Variants in SNX29 observed in about 807,000 individuals in gnomAD.
SNX29 encodes the protein sorting nexin-29.
A neutral mutation model predicts 102.1 loss-of-function variants in SNX29; 78 were observed. That is an observed-to-expected ratio of 0.76 (90% CI 0.64 to 0.92). SNX29 has a LOEUF of 0.92. SNX29 is among the 40% of genes least tolerant of loss of function. The pLI, the probability that SNX29 is intolerant of heterozygous loss-of-function variation, is 0.00. For missense variants in SNX29, 1,280 were observed against 1,061.7 expected (o/e 1.21, Z -2.86); for synonymous variants, 580 against 414.5 (o/e 1.40, Z -4.85).
chr16:12,255,343 C>G (rs1482803157), intron 14 of SNX29, among the ~76,000 whole-genome samples: 4 of 151,620 alleles, frequency 2.6e-5, no homozygotes, highest in African/African-American at 9.8e-5. Context: ...TTACAGGCAC[C>G]CACCACCATG....
chr16:12,050,023 C>A (rs911563542), intron 7 of SNX29, among the ~76,000 whole-genome samples: 16 of 152,282 alleles, frequency 1.1e-4, no homozygotes, highest in Admixed American at 1.0e-3. Context: ...GTGTAGAGTC[C>A]CATGGTGTCT....
chr16:11,981,257 A>G (rs1158553691), intron 1 of SNX29, among the ~76,000 whole-genome samples: 2 of 152,104 alleles, frequency 1.3e-5, no homozygotes, highest in Non-Finnish European at 2.9e-5. Context: ...GGCATGAGCC[A>G]CCGCACCTGG....
rs529240553 is a variant in SNX29 at position 12,166,559 on chromosome 16, G to C, written c.1596-33042G>C. On this transcript the variant is annotated intron_variant, in intron 13 of 20. Coordinates refer to ENST00000566228, the MANE Select transcript of SNX29 (RefSeq NM_032167.5). ...CGTGGCGCTCAGTTCACTTGGAGCT[G>C]ATTATGGTATTGGGCCATTTCCTTA... Among the ~76,000 whole-genome samples, 3 of 152,346 alleles carry C rather than the reference G, an allele frequency of 2.0e-5. No homozygotes were observed. The East Asian group carries it at 5.8e-4, about 29-fold the overall frequency.
At chr16:12,012,283 G>A (rs528689247) in intron 3 of SNX29, among the ~76,000 whole-genome samples, 2 of 151,906 alleles carry the variant, frequency 1.3e-5, no homozygotes, top group East Asian at 3.9e-4. Context: ...AGGGATGTGG[G>A]GCAAAGTGGT....
chr16:12,313,614 G>A (rs1039266410), intron 15 of SNX29, among the ~76,000 whole-genome samples: 4 of 152,182 alleles, frequency 2.6e-5, no homozygotes, highest in Non-Finnish European at 4.4e-5. Context: ...TGAATTCGGT[G>A]GTTCTTCTTG....
At chr16:12,513,778 C>A (rs146561399) in intron 19 of SNX29, among the ~76,000 whole-genome samples, 1,692 of 152,350 alleles carry the variant, frequency 0.011, 33 homozygotes, top group African/African-American at 0.039. Flanking sequence ...GCTTTGCTAA[C>A]AGCGCCCAGT....
chr16:12,164,680 CTT>C (rs34046413), intron 13 of SNX29, among the ~76,000 whole-genome samples: 48 of 90,578 alleles, frequency 5.3e-4, no homozygotes, highest in Non-Finnish European at 7.0e-4. Flanking sequence ...TTATTCATGC[CTT>C]TTTTTTTTTT....
chr16:12,155,504 C>T lies in SNX29; in HGVS notation c.1595+25746C>T, dbSNP rs548580222. On this transcript the variant is annotated intron_variant, in intron 13 of 20. Transcript: ENST00000566228. ...GGACCCTGGACTCTTTCCATTGCCT[C>T]AGTTACAGGCCGTTTTCTCAGGGCA... Among the ~76,000 whole-genome samples the T allele has an allele frequency of 7.2e-5, 11 of 152,248 alleles. No individual in the cohort carries two copies. In the South Asian group the frequency reaches 2.3e-3, roughly 32 times the overall value.
At chr16:12,141,508 G>A (rs892637169) in intron 13 of SNX29, among the ~76,000 whole-genome samples, 2 of 152,214 alleles carry the variant, frequency 1.3e-5, no homozygotes, top group African/African-American at 4.8e-5. Flanking sequence ...ACAGAGCAGC[G>A]GCATGGACCA....
In SNX29 at chr16:12,132,914, C is replaced by T. The variant is rs542644060; in HGVS notation, c.1595+3156C>T. ...GCTGACATGTTCCAGATAGAGTTAA[C>T]CTCTGCCAGTGGTCAGAACTTTCTT... On this transcript the variant is annotated intron_variant, in intron 13 of 20. Transcript: ENST00000566228. Among the ~76,000 whole-genome samples, 189 of 152,362 alleles carry T rather than the reference C, an allele frequency of 1.2e-3. 1 individual carries two copies. The highest frequency in any genetic ancestry group is 4.3e-3 in the African/African-American group (179 of 41,586).
intron 3 of SNX29, among the ~76,000 whole-genome samples, chr16:12,024,892 T>C (rs1197448790): frequency 6.6e-6 from 1 of 152,184 alleles, no homozygotes; most frequent in Non-Finnish European, 1.5e-5. Flanking sequence ...TTTTTGTTTT[T>C]TTCTCTCTGA....
intron 18 of SNX29, among the ~76,000 whole-genome samples, chr16:12,426,563 T>C (rs2085087842): frequency 1.3e-5 from 2 of 152,200 alleles, no homozygotes; most frequent in Admixed American, 1.3e-4. Context: ...CCAGGAAGGA[T>C]AGATATGTGT....
At chr16:12,173,368 G>T (rs1457491905) in intron 13 of SNX29, among the ~76,000 whole-genome samples, 1 of 152,196 alleles carries the variant, frequency 6.6e-6, no homozygotes, top group Non-Finnish European at 1.5e-5. Flanking sequence ...CCCAGTTTGT[G>T]TGATCAGCTT....
At chr16:12,277,550 C>A (rs1479502631) in intron 14 of SNX29, among the ~76,000 whole-genome samples, 1 of 152,146 alleles carries the variant, frequency 6.6e-6, no homozygotes, top group Non-Finnish European at 1.5e-5. Context: ...CATGACAGTT[C>A]TTGCATTTTA....
intron 1 of SNX29, among the ~76,000 whole-genome samples, chr16:11,997,170 TTTTTTGC>T (rs2151007075): frequency 6.6e-6 from 1 of 152,290 alleles, no homozygotes; most frequent in African/African-American, 2.4e-5. Context: ...TTCCTTCCAC[TTTTTTGC>T]TTTTTGCTCA....
intron 9 of SNX29, among the ~76,000 whole-genome samples, chr16:12,066,643 AG>A (rs1183238797): frequency 6.6e-6 from 1 of 150,986 alleles, no homozygotes; most frequent in African/African-American, 2.4e-5. Context: ...GCCATGATTC[AG>A]GGCCACCTTC....
At position 12,261,991 on chromosome 16, in the gene SNX29, C is replaced by T. The variant is rs7202913; in HGVS notation, c.1679-15942C>T. Among the ~76,000 whole-genome samples the T allele has an allele frequency of 9.7e-4, 125 of 129,302 alleles. 1 individual carries two copies. Among genetic ancestry groups the T allele is most frequent in the African/African-American group, 3.8e-3 (119 of 31,362 alleles). 84.8% of individuals were successfully genotyped at this position (129,302 alleles called of 152,430 possible). On this transcript the variant is annotated intron_variant, in intron 14 of 20. Coordinates refer to ENST00000566228, the MANE Select transcript of SNX29 (RefSeq NM_032167.5). ...TTTGCTGAGCTCGGGTCTGTGTGCA[C>T]GTCCCCGGCTGGAGTGAGTGTTTGC...
intron 20 of SNX29, among the ~76,000 whole-genome samples, chr16:12,563,596 C>T (rs1333292478): frequency 1.6e-5 from 2 of 128,736 alleles, no homozygotes; most frequent in East Asian, 4.2e-4. Context: ...GCCTCCATGT[C>T]TGTATCACCA....
intron 19 of SNX29, among the ~76,000 whole-genome samples, chr16:12,510,601 A>T (rs751195327): frequency 5.3e-5 from 8 of 151,984 alleles, no homozygotes; most frequent in Non-Finnish European, 1.2e-4. Flanking sequence ...GGAACCCCGG[A>T]GGCAGAGGTT....
Sources: gnomAD v4.1 joint callset for allele counts (sites outside exome capture counted in the v4.1 genomes callset) on GRCh38, gnomAD v4.1.1 for gene constraint, MANE v1.5 for transcripts, NCBI Gene and HGNC (gene_info 2026-07-23, HGNC 2026-07-21) for gene names.